SYNJ2: variants seen among roughly 807,000 people sequenced by gnomAD.
SYNJ2 encodes polyphosphatidylinositol phosphatase SYNJ2.
Under a neutral mutation model 141.3 loss-of-function variants are expected in SYNJ2, and 116 were observed. That is an observed-to-expected ratio of 0.82 (90% CI 0.71 to 0.96). The LOEUF (loss-of-function observed/expected upper bound fraction) is 0.96, where lower values mean the gene tolerates loss of function less well. SYNJ2 is among the 40% of genes least tolerant of loss of function. The pLI, the probability that SYNJ2 is intolerant of heterozygous loss-of-function variation, is 0.00. For missense variants in SYNJ2, 1,873 were observed against 1,934.8 expected, an observed-to-expected ratio of 0.97 and a Z score of 0.60; for synonymous variants, 745 against 777.7, an observed-to-expected ratio of 0.96 and a Z score of 0.70.
chr6:157,996,640 G>C (rs1777642951), intron 1 of SYNJ2, among the ~76,000 whole-genome samples: 1 of 152,202 alleles, frequency 6.6e-6, no homozygotes, highest in African/African-American at 2.4e-5. Context: ...TGGAGATGGG[G>C]CCCAGTGGGA....
chr6:158,066,401 T>C (rs1562375645), intron 11 of SYNJ2, 43 bp from the exon 12 acceptor site: 1 of 1,610,372 alleles, frequency 6.2e-7, no homozygotes. Flanking sequence ...ATGCCTGAGC[T>C]TTGGAACTGC....
intron 5 of SYNJ2, among the ~76,000 whole-genome samples, chr6:158,047,203 C>T (rs1350094240): frequency 2.0e-5 from 3 of 152,106 alleles, no homozygotes; most frequent in Non-Finnish European, 4.4e-5. Flanking sequence ...CGATGCATGC[C>T]GTGGGTCTTG....
intron 1 of SYNJ2, 90 bp from the exon 2 acceptor site, chr6:158,017,114 T>C (rs1315073825): frequency 2.6e-6 from 4 of 1,518,866 alleles, no homozygotes; most frequent in Non-Finnish European, 2.7e-6. Flanking sequence ...TTGGAGTGGG[T>C]GGGAAGCCAG....
In SYNJ2 at chr6:158,028,923, G is replaced by A. The variant is rs771584233; in HGVS notation, c.382G>A (p.Val128Met). Reference sequence around the variant, plus strand: ...TTTGAAGAAAATCCTCAGCTCGGGGGTGTTCTATTTCTCATGGCCAAACGA... The same window carrying A: ...TTTGAAGAAAATCCTCAGCTCGGGGATGTTCTATTTCTCATGGCCAAACGA... Reference protein sequence around the residue: ...IALKKILSSGVFYFSWPNDGS... With the variant: ...IALKKILSSGMFYFSWPNDGS... The change falls in exon 3 of 27, where the codon GTG becomes ATG. Residue 128 changes from valine to methionine, a missense_variant. Val to Met is a conservative substitution (Grantham distance 21, BLOSUM62 1). Coordinates refer to ENST00000355585, the MANE Select transcript of SYNJ2 (RefSeq NM_003898.4). 7.4e-6 allele frequency: 12 copies of A among 1,614,176 alleles called. No individual in the cohort carries two copies. Among genetic ancestry groups the A allele is most frequent in the Non-Finnish European group, 1.0e-5 (12 of 1,180,032 alleles).
intron 1 of SYNJ2, among the ~76,000 whole-genome samples, chr6:158,007,929 C>T (rs1034568151): frequency 6.6e-6 from 1 of 152,214 alleles, no homozygotes; most frequent in African/African-American, 2.4e-5. Context: ...GCTGGGACCA[C>T]AGGCTCCCAC....
Position 158,064,900 on chromosome 6 carries a change from G to A in SYNJ2, c.1434G>A (p.Gln478=). The change falls in exon 11 of 27, where the codon CAG becomes CAA. Residue 478 remains glutamine, a synonymous_variant. Coordinates refer to ENST00000355585, the MANE Select transcript of SYNJ2 (RefSeq NM_003898.4). ...CCAACTTCTTCGACGGGGTGAAGCA[G>A]GAGGCCATCAAGCTGCTGCTGGTTG... ...IQSNFFDGVK[Q]EAIKLLLVGD... 3 of 1,613,838 alleles carry A rather than the reference G, an allele frequency of 1.9e-6. No homozygotes were observed. The highest frequency in any genetic ancestry group is 2.5e-6 in the Non-Finnish European group (3 of 1,179,910).
intron 15 of SYNJ2, among the ~76,000 whole-genome samples, chr6:158,073,904 T>TG (rs1327537165): frequency 0.01 from 1,549 of 151,778 alleles, 31 homozygotes; most frequent in African/African-American, 0.035. Context: ...GAACTTTGTT[T>TG]TTTTTTTTTT....
Position 158,067,544 on chromosome 6 carries a change from C to G in SYNJ2, c.1717+909C>G, listed in dbSNP as rs553496072. ...GATTCTTGTCCAGTCATCGTTGACT[C>G]GGGCCTTGGTTTTTTTGTTTGTTTG... On this transcript the variant is annotated intron_variant, in intron 12 of 26. Coordinates refer to ENST00000355585, the MANE Select transcript of SYNJ2 (RefSeq NM_003898.4). 3 of 985,296 alleles carry G rather than the reference C, an allele frequency of 3.0e-6. No individual in the cohort carries two copies. In the African/African-American group the frequency reaches 5.2e-5, roughly 17 times the overall value. The allele number at this position is 985,296 out of a possible 1,614,324, so 61.0% of individuals were successfully genotyped here.
chr6:157,981,967 C>T lies in SYNJ2; in HGVS notation c.6C>T (p.Ala2=), dbSNP rs1212446547. 2 of 1,252,878 alleles carry T rather than the reference C, an allele frequency of 1.6e-6. No individual in the cohort carries two copies. The highest frequency in any genetic ancestry group is 2.0e-6 in the Non-Finnish European group (2 of 998,790). The allele number at this position is 1,252,878 out of a possible 1,614,324, so 77.6% of individuals were successfully genotyped here. ...CCGCAGTGGGCCCGACCCTCATGGC[C>T]CTGAGCAAAGGGCTGCGGCTGCTGG... M[A]LSKGLRLLGR... The change falls in exon 1 of 27, where the codon GCC becomes GCT. Residue 2 remains alanine (A), a synonymous_variant. Coordinates refer to ENST00000355585, the MANE Select transcript of SYNJ2 (RefSeq NM_003898.4). The surrounding 1 kb of genome is among the most constrained non-coding windows in gnomAD (Gnocchi z 6.4).
chr6:158,054,145 C>T (rs1780732480), intron 5 of SYNJ2, among the ~76,000 whole-genome samples: 2 of 151,704 alleles, frequency 1.3e-5, no homozygotes, highest in Admixed American at 1.3e-4. Flanking sequence ...ACCCATCCAC[C>T]CATCTATCCA....
chr6:157,992,401 C>CTTTTTTTTTTTTTTTTTTT (rs57905567), intron 1 of SYNJ2, among the ~76,000 whole-genome samples: 1 of 120,356 alleles, frequency 8.3e-6, no homozygotes. Flanking sequence ...TGGCTTGTTT[C>CTTTTTTTTTTTTTTTTTTT]TTTTTTTTTT....
intron 26 of SYNJ2, chr6:158,094,028 C>G: frequency 1.3e-6 from 1 of 764,304 alleles, no homozygotes; most frequent in Non-Finnish European, 2.4e-6. Flanking sequence ...GTTCTAGTAA[C>G]GGACCCTCGG....
rs75110650 is a variant in SYNJ2, at chr6:158,043,987, A to G, written c.795+588A>G. Among the ~76,000 whole-genome samples the G allele has an allele frequency of 0.022, 3,389 of 152,280 alleles. 118 individuals carry two copies. Among genetic ancestry groups the G allele is most frequent in the African/African-American group, 0.073 (3,040 of 41,550 alleles). The stretch of plus-strand genomic sequence containing the variant: ...GACACATTCCAAGAACACATTTGTC[A>G]TCAATGGAATGACACGCTGCCTCCT... On this transcript the variant is annotated intron_variant, in intron 5 of 26. Coordinates refer to ENST00000355585, the MANE Select transcript of SYNJ2 (RefSeq NM_003898.4). The surrounding 1 kb of genome is among the most constrained non-coding windows in gnomAD (Gnocchi z 4.0).
intron 2 of SYNJ2, chr6:158,017,894 C>T (rs1778553483): frequency 4.5e-6 from 2 of 440,384 alleles, no homozygotes; most frequent in South Asian, 1.6e-5. Context: ...CATTGCTTGC[C>T]GGCGAGGGCC....
chr6:158,035,575 A>G (rs960759649), intron 4 of SYNJ2, among the ~76,000 whole-genome samples: 5 of 152,154 alleles, frequency 3.3e-5, no homozygotes, highest in African/African-American at 1.2e-4. Context: ...TGTTTTCTAG[A>G]TATAGAATCA....
At chr6:158,028,352 A>C in intron 2 of SYNJ2, 1 of 196,400 alleles carries the variant, frequency 5.1e-6, no homozygotes, top group Non-Finnish European at 1.1e-5. Context: ...GCACTGGGGA[A>C]GGTGATTTGG....
At chr6:158,037,071 A>C (rs1779674571) in intron 4 of SYNJ2, among the ~76,000 whole-genome samples, 1 of 152,210 alleles carries the variant, frequency 6.6e-6, no homozygotes, top group African/African-American at 2.4e-5. Context: ...CTAACACGGA[A>C]AATGAAAGCA....
At chr6:158,087,823 T>G (rs1415541978) in intron 23 of SYNJ2, among the ~76,000 whole-genome samples, 1 of 151,586 alleles carries the variant, frequency 6.6e-6, no homozygotes, top group East Asian at 1.9e-4. Flanking sequence ...GGGTCGTAGT[T>G]GTTGAAAAAA....
chr6:158,028,600 T>C (rs1183488905), intron 2 of SYNJ2, 156 bp from the exon 3 acceptor site: 1 of 965,668 alleles, frequency 1.0e-6, no homozygotes, highest in Admixed American at 2.5e-5. Context: ...GGGCAGGTTC[T>C]TGAGCCATTG....
Sources: allele counts gnomAD v4.1 joint callset (sites outside exome capture counted in the v4.1 genomes callset), GRCh38; gene constraint gnomAD v4.1.1; non-coding constraint Gnocchi (gnomAD v3.1); transcripts MANE v1.5; gene names NCBI Gene and HGNC (gene_info 2026-07-23, HGNC 2026-07-21).